Variants in CDH4 observed in about 807,000 individuals in gnomAD.
CDH4 encodes cadherin 4, also known as cadherin-4.
A neutral mutation model predicts 86.0 loss-of-function variants in CDH4; 33 were observed. That is an observed-to-expected ratio of 0.38 (90% CI 0.29 to 0.51). The LOEUF is 0.51. Ranked by LOEUF, CDH4 falls within the 20% of genes least tolerant of loss-of-function variation. CDH4 has a pLI of 0.86. For missense variants in CDH4, 1,114 were observed against 1,307.4 expected (o/e 0.85, Z 2.28); for synonymous variants, 555 against 549.4 (o/e 1.01, Z -0.14).
At chr20:61,571,907 G>C (rs1465964655) in intron 2 of CDH4, among the ~76,000 whole-genome samples, 1 of 151,970 alleles carries the variant, frequency 6.6e-6, no homozygotes, top group Non-Finnish European at 1.5e-5. Flanking sequence ...TGCAGTACAT[G>C]CTCATGTTTT....
intron 2 of CDH4, among the ~76,000 whole-genome samples, chr20:61,508,818 A>T (rs2085759717): frequency 6.6e-6 from 1 of 152,194 alleles, no homozygotes. Context: ...GACAAAAATG[A>T]TGCTAACTTC....
intron 2 of CDH4, among the ~76,000 whole-genome samples, chr20:61,502,112 A>G (rs952671409): frequency 6.6e-6 from 1 of 152,166 alleles, no homozygotes; most frequent in Non-Finnish European, 1.5e-5. Context: ...TGAGATAGCT[A>G]AGCAGTGAGC....
intron 1 of CDH4, among the ~76,000 whole-genome samples, chr20:61,253,225 C>CTGGGCCGGGCT (rs1206416874): frequency 2.0e-5 from 3 of 151,202 alleles, no homozygotes; most frequent in Admixed American, 6.6e-5. Context: ...GGGCTGGGAG[C>CTGGGCCGGGCT]TGGGCCGGGC....
At chr20:61,346,989 TC>T (rs1375447029) in intron 2 of CDH4, among the ~76,000 whole-genome samples, 1 of 152,114 alleles carries the variant, frequency 6.6e-6, no homozygotes. Flanking sequence ...AAACCATCTC[TC>T]CCATTGTCTA....
At chr20:61,732,770 C>T (rs969449273) in intron 2 of CDH4, among the ~76,000 whole-genome samples, 4 of 152,152 alleles carry the variant, frequency 2.6e-5, no homozygotes, top group Admixed American at 6.5e-5. Context: ...TGCTCATAGG[C>T]GATTCTTGAA....
chr20:61,287,876 G>A (rs1390150938), intron 2 of CDH4, among the ~76,000 whole-genome samples: 1 of 152,198 alleles, frequency 6.6e-6, no homozygotes, highest in African/African-American at 2.4e-5. Context: ...CTGAAGCCGG[G>A]AGGACAAGGC....
At chr20:61,321,291 T>C (rs940710656) in intron 2 of CDH4, among the ~76,000 whole-genome samples, 2 of 151,970 alleles carry the variant, frequency 1.3e-5, no homozygotes, top group African/African-American at 4.8e-5. Flanking sequence ...GAAGAGCGGG[T>C]TTCACCTTAG....
At chr20:61,636,596 C>A (rs1022280057) in intron 2 of CDH4, among the ~76,000 whole-genome samples, 1 of 152,214 alleles carries the variant, frequency 6.6e-6, no homozygotes, top group Non-Finnish European at 1.5e-5. Flanking sequence ...TCTATCTTTG[C>A]GAGGCTCTGG....
At chr20:61,380,523 A>ACCCCCCCCCC (rs141105277) in intron 2 of CDH4, among the ~76,000 whole-genome samples, 2 of 148,844 alleles carry the variant, frequency 1.3e-5, no homozygotes, top group Non-Finnish European at 3.0e-5. Flanking sequence ...CCATCCTACA[A>ACCCCCCCCCC]ACCCCCCTGC....
chr20:61,792,537 A>G (rs781755439), intron 4 of CDH4, among the ~76,000 whole-genome samples: 4 of 152,188 alleles, frequency 2.6e-5, no homozygotes, highest in Non-Finnish European at 4.4e-5. Context: ...CAGGAAATCA[A>G]ATAAGGCCAT....
At chr20:61,726,630 C>T (rs1260155846) in intron 2 of CDH4, among the ~76,000 whole-genome samples, 1 of 152,040 alleles carries the variant, frequency 6.6e-6, no homozygotes, top group Non-Finnish European at 1.5e-5. Context: ...CCATCATCAT[C>T]ACCATCAGTC....
intron 2 of CDH4, among the ~76,000 whole-genome samples, chr20:61,396,357 G>A (rs2085017048): frequency 6.6e-6 from 1 of 152,182 alleles, no homozygotes; most frequent in South Asian, 2.1e-4. Flanking sequence ...GACTGTGTAT[G>A]GAACTGAGCC....
intron 2 of CDH4, among the ~76,000 whole-genome samples, chr20:61,441,140 G>A (rs2085313188): frequency 6.6e-6 from 1 of 152,194 alleles, no homozygotes; most frequent in African/African-American, 2.4e-5. Context: ...TTTCCCACAG[G>A]TCACGCAGAA....
At chr20:61,927,159 G>A (rs559814781) in intron 11 of CDH4, among the ~76,000 whole-genome samples, 13 of 152,346 alleles carry the variant, frequency 8.5e-5, no homozygotes, top group South Asian at 2.1e-4. Flanking sequence ...TACATGGTTC[G>A]CCTGCCTCAG....
intron 2 of CDH4, among the ~76,000 whole-genome samples, chr20:61,560,633 C>T (rs1432851113): frequency 2.0e-5 from 3 of 152,240 alleles, no homozygotes; most frequent in African/African-American, 4.8e-5. Flanking sequence ...GCCCCACCCG[C>T]GGGGCCCTGG....
chr20:61,324,889 G>T (rs1051362682), intron 2 of CDH4, among the ~76,000 whole-genome samples: 1 of 152,154 alleles, frequency 6.6e-6, no homozygotes, highest in Non-Finnish European at 1.5e-5. Context: ...CATGGAACTC[G>T]CTGGGAGGCC....
chr20:61,419,198 C>T (rs967674990), intron 2 of CDH4, among the ~76,000 whole-genome samples: 1 of 152,084 alleles, frequency 6.6e-6, no homozygotes, highest in African/African-American at 2.4e-5. Flanking sequence ...GTCCTGAGCC[C>T]GAGATCACTC....
intron 2 of CDH4, among the ~76,000 whole-genome samples, chr20:61,315,531 G>A (rs1163299722): frequency 1.3e-5 from 2 of 152,186 alleles, no homozygotes; most frequent in African/African-American, 2.4e-5. Flanking sequence ...GAAAAAGGAC[G>A]TGAGAATTGA....
At chr20:61,512,638 G>A (rs1029398637) in intron 2 of CDH4, among the ~76,000 whole-genome samples, 2 of 152,160 alleles carry the variant, frequency 1.3e-5, no homozygotes, top group Non-Finnish European at 2.9e-5. Context: ...TTCCAACACC[G>A]GCACCCAAAG....
Sources: gnomAD v4.1 joint callset for allele counts (sites outside exome capture counted in the v4.1 genomes callset) on GRCh38, gnomAD v4.1.1 for gene constraint, MANE v1.5 for transcripts, NCBI Gene and HGNC (gene_info 2026-07-23, HGNC 2026-07-21) for gene names.